Variants in DNAJC11 observed in about 807,000 individuals in gnomAD.
DNAJC11 encodes the protein DnaJ heat shock protein family (Hsp40) member C11.
A neutral mutation model predicts 78.6 loss-of-function variants in DNAJC11; 15 were observed. That is an observed-to-expected ratio of 0.19 (90% confidence interval 0.13 to 0.29). The LOEUF (loss-of-function observed/expected upper bound fraction) is 0.29. Ranked by LOEUF, DNAJC11 falls within the 10% of genes least tolerant of loss-of-function variation. DNAJC11 has a pLI of 1.00. For missense variants in DNAJC11, 547 were observed against 709.6 expected (o/e 0.77, Z 2.60); for synonymous variants, 292 against 272.1 (o/e 1.07, Z -0.72).
rs141309205 is a variant in DNAJC11, at chr1:6,635,694, C to T, written c.1661G>A (p.Arg554Lys). ...EALRIPKQSH[R>K]IDTDG ...GGCAGTTTATCCATCTGTATCGATC[C>T]TGTGGGCTGTAAAGGAAAAGACAGA... Residue 554 changes from arginine (R) to lysine (K), a missense_variant, in exon 16 of 16, where the codon AGG becomes AAG. Transcript: ENST00000377577. 4.8e-5 allele frequency: 77 copies of T among 1,614,006 alleles called. No homozygotes were observed. In the African/African-American group the frequency reaches 8.9e-4, roughly 19 times the overall value.
At position 6,634,773 on chromosome 1, in the gene DNAJC11, C is replaced by G. The variant is rs780000603; in HGVS notation, c.*902G>C. 2 of 1,325,138 alleles carry G rather than the reference C, an allele frequency of 1.5e-6. No individual in the cohort carries two copies. Among genetic ancestry groups the G allele is most frequent in the Non-Finnish European group, 1.0e-6 (1 of 999,852 alleles). The allele number at this position is 1,325,138 out of a possible 1,614,324, so 82.1% of individuals were successfully genotyped here. A position where few individuals can be genotyped will look rare whatever the true frequency, so the allele number is the denominator to read the frequency against. On this transcript the variant is annotated 3_prime_UTR_variant, in exon 16 of 16. Coordinates refer to ENST00000377577, the MANE Select transcript of DNAJC11 (RefSeq NM_018198.4). Reference sequence around the variant, plus strand: ...ACGCTGGACCTGCAGGAGCGGGGAGCTGCAGTGCCACCTGCTGGGTACCAC... The same window carrying G: ...ACGCTGGACCTGCAGGAGCGGGGAGGTGCAGTGCCACCTGCTGGGTACCAC...
rs796340186 is a variant in DNAJC11 at position 6,662,128 on chromosome 1, G to T, written c.378+5581C>A. On this transcript the variant is annotated intron_variant, in intron 4 of 15. Coordinates refer to ENST00000377577, the MANE Select transcript of DNAJC11 (RefSeq NM_018198.4). ...CACCATGCCCAGTTAATTGTTTTTT[G>T]TTTTTTGTTTTTTTTTTTTGTAGAG... 8.5e-3 allele frequency among the ~76,000 whole-genome samples: 1,174 copies of T among 137,732 alleles called. 14 individuals are homozygous for T. Among genetic ancestry groups the T allele is most frequent in the African/African-American group, 0.021 (779 of 36,422 alleles). The allele number at this position is 137,732 out of a possible 152,430, so 90.4% of individuals were successfully genotyped here.
chr1:6,651,055 G>A (rs761424742), intron 7 of DNAJC11: 6 of 533,860 alleles, frequency 1.1e-5, no homozygotes, highest in South Asian at 8.4e-5. Context: ...TTCTAGAAGG[G>A]ACAGGGATAT....
intron 1 of DNAJC11, among the ~76,000 whole-genome samples, chr1:6,683,063 T>C (rs1323476604): frequency 6.6e-6 from 1 of 152,204 alleles, no homozygotes; most frequent in Admixed American, 6.5e-5. Flanking sequence ...TCTGTCAGAA[T>C]AGGGTCAAGG....
At chr1:6,635,875 G>A (rs776504958) in intron 15 of DNAJC11, among the ~76,000 whole-genome samples, 175 bp from the exon 16 acceptor site, 1 of 152,138 alleles carries the variant, frequency 6.6e-6, no homozygotes, top group Admixed American at 6.5e-5. Context: ...TTCATCCCCC[G>A]CCACTCAAGC....
At chr1:6,681,280 G>A (rs1642548315) in intron 1 of DNAJC11, among the ~76,000 whole-genome samples, 1 of 152,168 alleles carries the variant, frequency 6.6e-6, no homozygotes, top group African/African-American at 2.4e-5. Flanking sequence ...TCCAATGAAT[G>A]AACGTTTGGG....
At chr1:6,699,176 T>C (rs1184736277) in intron 1 of DNAJC11, among the ~76,000 whole-genome samples, 1 of 151,862 alleles carries the variant, frequency 6.6e-6, no homozygotes, top group East Asian at 1.9e-4. Context: ...GGCATGTGCC[T>C]GTGGTCCTAG....
At chr1:6,638,230 C>T (rs1641816787) in intron 12 of DNAJC11, 65 bp downstream of exon 12, 9 of 1,514,962 alleles carry the variant, frequency 5.9e-6, no homozygotes, top group Middle Eastern at 3.5e-4. Flanking sequence ...GCCCTGAGAC[C>T]AACATGTGGG....
intron 2 of DNAJC11, among the ~76,000 whole-genome samples, chr1:6,679,398 G>A (rs112459657): frequency 6.6e-6 from 1 of 152,068 alleles, no homozygotes; most frequent in African/African-American, 2.4e-5. Flanking sequence ...CTCAGCTAAC[G>A]GTGAGGGCTG....
At position 6,634,399 on chromosome 1, in the gene DNAJC11, A is replaced by C. The variant is rs1263284514; in HGVS notation, c.*1276T>G. ...AATTGGACAACCCGAACTGCTTTTC[A>C]AAACCAGAGGAAGGAGGTTCTTAGC... On this transcript the variant is annotated 3_prime_UTR_variant, in exon 16 of 16. Transcript: ENST00000377577. 5 of 1,232,374 alleles carry C rather than the reference A, an allele frequency of 4.1e-6. No homozygotes were observed. The East Asian group carries it at 1.3e-4, about 33-fold the overall frequency. The allele number at this position is 1,232,374 out of a possible 1,614,324, so 76.3% of individuals were successfully genotyped here. A position where few individuals can be genotyped will look rare whatever the true frequency, so the allele number is the denominator to read the frequency against.
Position 6,645,811 on chromosome 1 carries a change from C to G in DNAJC11, c.872G>C (p.Ser291Thr), listed in dbSNP as rs1230401236. 1 of 1,614,054 alleles carries G rather than the reference C, an allele frequency of 6.2e-7. No individual in the cohort carries two copies. Among genetic ancestry groups the G allele is most frequent in the Admixed American group, 1.7e-5 (1 of 60,030 alleles). ...CACCTGCAGGGCCACAGTGAAGTGG[C>G]TGGTTTTAGTGTCTCGGACGATGCT... is the stretch of plus-strand genomic sequence containing the variant. Reference protein sequence around the residue: ...NTSIVRDTKTSHFTVALQLGI... With the variant: ...NTSIVRDTKTTHFTVALQLGI... The change falls in exon 8 of 16, where the codon AGC becomes ACC. Residue 291 changes from serine to threonine, a missense_variant. Transcript: ENST00000377577. The surrounding 1 kb of genome is among the most constrained non-coding windows in gnomAD (Gnocchi z 4.1).
rs1399776059 is a variant in DNAJC11 at position 6,680,165 on chromosome 1, A to G, written c.202+743T>C. Among the ~76,000 whole-genome samples the G allele has an allele frequency of 2.0e-5, 3 of 152,272 alleles. No homozygotes were observed. Among genetic ancestry groups the G allele is most frequent in the East Asian group, 1.9e-4 (1 of 5,208 alleles). On this transcript the variant is annotated intron_variant, in intron 2 of 15. Coordinates refer to ENST00000377577, the MANE Select transcript of DNAJC11 (RefSeq NM_018198.4). The surrounding 1 kb of genome is among the most constrained non-coding windows in gnomAD (Gnocchi z 4.0). ...AAATAACTTATTGTAGTTGATGTATATAACAGTGATTTAACATTTTTTTTA... is the reference window on the plus strand; with the variant it reads ...AAATAACTTATTGTAGTTGATGTATGTAACAGTGATTTAACATTTTTTTTA...
At chr1:6,695,119 C>A (rs1186378278) in intron 1 of DNAJC11, among the ~76,000 whole-genome samples, 1 of 149,262 alleles carries the variant, frequency 6.7e-6, no homozygotes, top group Non-Finnish European at 1.5e-5. Flanking sequence ...GCGCTCCAGC[C>A]TGGGTGACAG....
chr1:6,698,803 G>A (rs1307980709), intron 1 of DNAJC11, among the ~76,000 whole-genome samples: 3 of 150,438 alleles, frequency 2.0e-5, no homozygotes, highest in Middle Eastern at 3.3e-3. Flanking sequence ...TCAGCCAGCT[G>A]TGGTGGTGTG....
chr1:6,649,858 C>A (rs1642027049), intron 7 of DNAJC11, among the ~76,000 whole-genome samples: 4 of 152,002 alleles, frequency 2.6e-5, no homozygotes, highest in African/African-American at 7.3e-5. Flanking sequence ...CAGGCAAGCG[C>A]CACCATGCCT....
At chr1:6,654,901 C>A (rs776276421) in intron 4 of DNAJC11, among the ~76,000 whole-genome samples, 7 of 151,956 alleles carry the variant, frequency 4.6e-5, no homozygotes, top group Non-Finnish European at 1.0e-4. Flanking sequence ...TGGGTTCAAG[C>A]GATTCTCCTG....
At chr1:6,664,241 CTTT>C (rs946714292) in intron 4 of DNAJC11, among the ~76,000 whole-genome samples, 9 of 140,350 alleles carry the variant, frequency 6.4e-5, no homozygotes, top group Non-Finnish European at 9.4e-5. Flanking sequence ...CATTTTCTTT[CTTT>C]TTTTTTTTTT....
intron 1 of DNAJC11, among the ~76,000 whole-genome samples, chr1:6,700,118 A>G (rs1353885166): frequency 6.6e-6 from 1 of 152,186 alleles, no homozygotes; most frequent in Admixed American, 6.5e-5. Flanking sequence ...GCCTTATGAC[A>G]ATACACGCTC....
chr1:6,683,732 T>C (rs534073614), intron 1 of DNAJC11, among the ~76,000 whole-genome samples: 1 of 152,204 alleles, frequency 6.6e-6, no homozygotes, highest in African/African-American at 2.4e-5. Context: ...AACGGAAACA[T>C]TCATTCATGA....
Sources: gnomAD v4.1 joint callset for allele counts (sites outside exome capture counted in the v4.1 genomes callset) on GRCh38, gnomAD v4.1.1 for gene constraint, Gnocchi (gnomAD v3.1) non-coding constraint, MANE v1.5 for transcripts, NCBI Gene and HGNC (gene_info 2026-07-23, HGNC 2026-07-21) for gene names.